The following LONP2 variants were observed in gnomAD, a reference collection of about 807,000 sequenced individuals.
LONP2 encodes lon protease homolog 2, peroxisomal.
LONP2 carries 60 observed loss-of-function variants against 85.6 expected under a neutral mutation model. That is an observed-to-expected ratio of 0.70 (90% CI 0.57 to 0.87). The LOEUF is 0.87. Ranked by LOEUF, LONP2 falls within the 40% of genes least tolerant of loss-of-function variation. The pLI is 0.00. For synonymous variants in LONP2, 395 were observed against 389.7 expected, an observed-to-expected ratio of 1.01 and a Z score of -0.16; for missense variants, 860 against 1,063.5, an observed-to-expected ratio of 0.81 and a Z score of 2.66.
chr16:48,344,061 A>T (rs1193758301), intron 12 of LONP2: 3 of 152,228 alleles, frequency 2.0e-5, no homozygotes, highest in African/African-American at 7.2e-5. Context: ...ATCATATTGA[A>T]ATTATGTTGA....
intron 12 of LONP2, among the ~76,000 whole-genome samples, chr16:48,340,921 AAAAC>A (rs1239925890): frequency 3.3e-5 from 5 of 152,168 alleles, no homozygotes; most frequent in African/African-American, 4.8e-5. Context: ...TGTCTCAAAA[AAAAC>A]AAAGAACCAC....
chr16:48,286,177 T>C (rs1454793950), intron 8 of LONP2, among the ~76,000 whole-genome samples: 1 of 148,836 alleles, frequency 6.7e-6, no homozygotes, highest in Non-Finnish European at 1.5e-5. Flanking sequence ...AGTCTCACCA[T>C]GTTGCCCAGG....
chr16:48,247,617 T>A (rs1971484099), intron 1 of LONP2: 1 of 152,270 alleles, frequency 6.6e-6, no homozygotes, highest in South Asian at 2.1e-4. Flanking sequence ...GCTGGCATGC[T>A]GACCCAGGGC....
chr16:48,258,886 G>A, intron 4 of LONP2, 146 bp downstream of exon 4: 1 of 731,904 alleles, frequency 1.4e-6, no homozygotes, highest in Middle Eastern at 4.1e-4. Flanking sequence ...TCTTTGCCTG[G>A]ATTTTTTTTT....
chr16:48,259,299 G>T (rs1463829723), intron 4 of LONP2, among the ~76,000 whole-genome samples: 1 of 151,886 alleles, frequency 6.6e-6, no homozygotes, highest in Non-Finnish European at 1.5e-5. Context: ...ATATTATTTT[G>T]AAGACAGCAG....
At chr16:48,294,573 C>G (rs1258970473) in intron 8 of LONP2, among the ~76,000 whole-genome samples, 1 of 152,102 alleles carries the variant, frequency 6.6e-6, no homozygotes, top group Non-Finnish European at 1.5e-5. Context: ...TGAGACCAAT[C>G]TGGCCAACAT....
intron 11 of LONP2, among the ~76,000 whole-genome samples, chr16:48,316,576 C>A (rs540111524): frequency 4.6e-5 from 7 of 151,378 alleles, no homozygotes; most frequent in African/African-American, 1.7e-4. Flanking sequence ...ATCCACCCAC[C>A]TTGGCCTCCC....
chr16:48,298,526 C>G (rs186209706), intron 9 of LONP2, among the ~76,000 whole-genome samples: 2 of 151,484 alleles, frequency 1.3e-5, no homozygotes, highest in African/African-American at 4.8e-5. Context: ...ATATGGACAT[C>G]TTAGGTTTTC....
chr16:48,293,377 G>A (rs576798161), intron 8 of LONP2, among the ~76,000 whole-genome samples: 2 of 151,996 alleles, frequency 1.3e-5, no homozygotes, highest in Non-Finnish European at 2.9e-5. Flanking sequence ...GCAGTGAGCC[G>A]AGATCGCGCC....
intron 12 of LONP2, among the ~76,000 whole-genome samples, chr16:48,341,467 C>A (rs1959805866): frequency 6.6e-6 from 1 of 152,034 alleles, no homozygotes; most frequent in South Asian, 2.1e-4. Flanking sequence ...TTTAAACAAC[C>A]ACCTCCCACA....
intron 1 of LONP2, among the ~76,000 whole-genome samples, 167 bp downstream of exon 1, chr16:48,244,788 T>G (rs1400122814): frequency 6.6e-6 from 1 of 152,204 alleles, no homozygotes; most frequent in Non-Finnish European, 1.5e-5. Context: ...GTCAGATACC[T>G]GCCCCATGAC....
intron 8 of LONP2, among the ~76,000 whole-genome samples, chr16:48,283,543 A>T (rs973181322): frequency 6.6e-6 from 1 of 152,190 alleles, no homozygotes; most frequent in Admixed American, 6.6e-5. Context: ...TGTTCTGTAA[A>T]TGGAACAACA....
At chr16:48,337,088 A>G (rs1959672594) in intron 12 of LONP2, among the ~76,000 whole-genome samples, 2 of 152,220 alleles carry the variant, frequency 1.3e-5, no homozygotes, top group South Asian at 4.1e-4. Context: ...TTTTACATAC[A>G]AGGGAAAAAG....
chr16:48,253,910 A>G (rs1971703854), intron 2 of LONP2, among the ~76,000 whole-genome samples: 1 of 152,260 alleles, frequency 6.6e-6, no homozygotes, highest in South Asian at 2.1e-4. Flanking sequence ...CATATTAAGT[A>G]CTTTTGTTAA....
chr16:48,280,005 A>G (rs1003642145), intron 8 of LONP2, among the ~76,000 whole-genome samples: 1 of 152,104 alleles, frequency 6.6e-6, no homozygotes, highest in Non-Finnish European at 1.5e-5. Context: ...TAGTCTCAGA[A>G]GTGGGTTTTG....
At chr16:48,258,491 T>A (rs900781038) in intron 3 of LONP2, 127 bp from the exon 4 acceptor site, 1 of 760,950 alleles carries the variant, frequency 1.3e-6, no homozygotes, top group African/African-American at 1.8e-5. Context: ...GTCTTAGCCA[T>A]AGTGTAGCTT....
At chr16:48,317,961 C>T (rs1351722520) in intron 11 of LONP2, among the ~76,000 whole-genome samples, 2 of 152,114 alleles carry the variant, frequency 1.3e-5, no homozygotes, top group East Asian at 3.9e-4. Context: ...TTAGGTGGGA[C>T]AGTGAAATCA....
chr16:48,355,755 AT>A lies in LONP2; in HGVS notation c.*3957del, dbSNP rs1567360103. On this transcript the variant is annotated 3_prime_UTR_variant, in exon 15 of 15. Coordinates refer to ENST00000285737, the MANE Select transcript of LONP2 (RefSeq NM_031490.5). ...TCCCTAATGACTAGTGATGTTGAGC[AT>A]TTTCTAGCATTGATTTTTAAGATGT... 1.3e-5 allele frequency: 2 copies of A among 152,110 alleles called. No homozygotes were observed. Among genetic ancestry groups the A allele is most frequent in the African/African-American group, 4.8e-5 (2 of 41,428 alleles). 9.4% of individuals were successfully genotyped at this position (152,110 alleles called of 1,614,324 possible). A position where few individuals can be genotyped will look rare whatever the true frequency, so the allele number is the denominator to read the frequency against.
At chr16:48,324,923 T>C (rs1351636532) in intron 11 of LONP2, among the ~76,000 whole-genome samples, 1 of 152,204 alleles carries the variant, frequency 6.6e-6, no homozygotes, top group Admixed American at 6.5e-5. Context: ...ATTTATCATT[T>C]CTTTGTGGTA....
Sources: allele counts gnomAD v4.1 joint callset (sites outside exome capture counted in the v4.1 genomes callset), GRCh38; gene constraint gnomAD v4.1.1; transcripts MANE v1.5; gene names NCBI Gene and HGNC (gene_info 2026-07-23, HGNC 2026-07-21).